OR8J1: variants seen among roughly 807,000 people sequenced by gnomAD.
OR8J1 encodes the protein olfactory receptor family 8 subfamily J member 1, also known as olfactory receptor 8J1.
For missense variants in OR8J1, 400 were observed against 373.0 expected (o/e 1.07, Z -0.60); for synonymous variants, 157 against 144.3 (o/e 1.09, Z -0.63).
intron 1 of OR8J1, chr11:56,357,691 T>C: frequency 1.9e-6 from 3 of 1,584,456 alleles, no homozygotes; most frequent in East Asian, 2.2e-5. Context: ...GAAGGCCAAG[T>C]GGAGGCGACT....
rs370640996 is a variant in OR8J1 at position 56,361,030 on chromosome 11, C to A, written c.784C>A (p.Pro262Thr). 2.8e-5 allele frequency: 42 copies of A among 1,495,436 alleles called. No individual in the cohort carries two copies. Among genetic ancestry groups the A allele is most frequent in the Non-Finnish European group, 3.6e-5 (41 of 1,130,798 alleles). 92.6% of individuals were successfully genotyped at this position (1,495,436 alleles called of 1,614,324 possible). Residue 262 changes from proline to threonine, a missense_variant, in exon 2 of 2, where the codon CCC (proline) becomes ACC (threonine). Physicochemically the swap from Pro to Thr is conservative, Grantham distance 38. Transcript: ENST00000533152. ...GACATTGCTATTCATGTATGTGCAG[C>A]CCCGAAGTAACCATTCACTGGATAC... is the stretch of plus-strand genomic sequence containing the variant. ...YGTLLFMYVQPRSNHSLDTDD... is the reference protein window; with the variant it reads ...YGTLLFMYVQTRSNHSLDTDD...
At chr11:56,360,089 C>T in intron 1 of OR8J1, 138 bp from the exon 2 acceptor site, 1 of 523,410 alleles carries the variant, frequency 1.9e-6, no homozygotes, top group Admixed American at 3.8e-5. Context: ...CTTATTAGAC[C>T]TAGAAGCTTG....
At position 56,360,938 on chromosome 11, in the gene OR8J1, CAGAA is replaced by C; in HGVS notation, c.693_696del (p.Arg234LysfsTer11). On this transcript the variant is annotated frameshift_variant, in exon 2 of 2. Transcript: ENST00000533152. LOFTEE classifies it low-confidence loss of function (END_TRUNC). ...TTGTCTATTTTAAAAATATGTTCATCAGAAGGAAGGAAAAAAGCCTTTTCTACCT... is the reference window on the plus strand; with the variant it reads ...TTGTCTATTTTAAAAATATGTTCATCGGAAGGAAAAAAGCCTTTTCTACCT... 1 of 1,479,340 alleles carries C rather than the reference CAGAA, an allele frequency of 6.8e-7. No individual in the cohort carries two copies. Among genetic ancestry groups the C allele is most frequent in the Non-Finnish European group, 8.9e-7 (1 of 1,118,060 alleles). 91.6% of individuals were successfully genotyped at this position (1,479,340 alleles called of 1,614,324 possible). A position where few individuals can be genotyped will look rare whatever the true frequency, so the allele number is the denominator to read the frequency against.
At chr11:56,357,296 G>A (rs376848765) in intron 1 of OR8J1, 49 of 483,644 alleles carry the variant, frequency 1.0e-4, no homozygotes, top group African/African-American at 5.2e-4. Context: ...CTGTCAAGCC[G>A]TGGATGCGGG....
chr11:56,357,142 C>T (rs1854978741), intron 1 of OR8J1, among the ~76,000 whole-genome samples: 1 of 152,070 alleles, frequency 6.6e-6, no homozygotes, highest in Non-Finnish European at 1.5e-5. Flanking sequence ...TTAAAATTTC[C>T]ATTCCTGCCC....
At chr11:56,359,931 A>G (rs1852611547) in intron 1 of OR8J1, among the ~76,000 whole-genome samples, 1 of 152,190 alleles carries the variant, frequency 6.6e-6, no homozygotes, top group Admixed American at 6.5e-5. Flanking sequence ...GTGGCTTCAA[A>G]TGTTTGCAAA....
At chr11:56,360,197 A>C in intron 1 of OR8J1, 30 bp from the exon 2 acceptor site, 1 of 1,447,974 alleles carries the variant, frequency 6.9e-7, no homozygotes, top group Non-Finnish European at 9.3e-7. Context: ...AATTCTTTAA[A>C]GTTTTTAACC....
At chr11:56,355,865 T>G (rs1854960890) in intron 1 of OR8J1, among the ~76,000 whole-genome samples, 1 of 152,176 alleles carries the variant, frequency 6.6e-6, no homozygotes, top group Non-Finnish European at 1.5e-5. Flanking sequence ...TTTTTAAATG[T>G]ATGGAGCCAC....
At chr11:56,357,708 G>T in intron 1 of OR8J1, 1 of 1,584,976 alleles carries the variant, frequency 6.3e-7, no homozygotes, top group Non-Finnish European at 8.6e-7. Flanking sequence ...GACTAGTGAT[G>T]AATACAATGT....
In OR8J1 at chr11:56,360,993, A is replaced by C; in HGVS notation, c.747A>C (p.Thr249=). 1 of 1,476,442 alleles carries C rather than the reference A, an allele frequency of 6.8e-7. No individual in the cohort carries two copies. The allele number at this position is 1,476,442 out of a possible 1,614,324, so 91.5% of individuals were successfully genotyped here. A position where few individuals can be genotyped will look rare whatever the true frequency, so the allele number is the denominator to read the frequency against. Residue 249 remains threonine (T), a synonymous_variant, in exon 2 of 2, where the codon ACA becomes ACC. Coordinates refer to ENST00000533152, the MANE Select transcript of OR8J1 (RefSeq NM_001005205.3). ...GTGCTTCACATATGATGGCAGTCACAATTTTTTATGGGACATTGCTATTCA... is the reference window on the plus strand; with the variant it reads ...GTGCTTCACATATGATGGCAGTCACCATTTTTTATGGGACATTGCTATTCA... ...STCASHMMAV[T]IFYGTLLFMY...
intron 1 of OR8J1, among the ~76,000 whole-genome samples, chr11:56,355,407 G>A (rs554275673): frequency 8.2e-4 from 125 of 151,972 alleles, no homozygotes; most frequent in African/African-American, 2.7e-3. Context: ...AGGCCGAGGC[G>A]GGTGCATTAC....
chr11:56,355,035 A>G (rs1046078962), intron 1 of OR8J1, among the ~76,000 whole-genome samples: 28 of 152,214 alleles, frequency 1.8e-4, no homozygotes, highest in African/African-American at 5.5e-4. Context: ...TTCCTGGTGT[A>G]ATGGGACAAA....
Position 56,361,310 on chromosome 11 carries a change from A to G in OR8J1, c.*113A>G, listed in dbSNP as rs1265248935. 2 of 412,486 alleles carry G rather than the reference A, an allele frequency of 4.8e-6. No homozygotes were observed. Among genetic ancestry groups the G allele is most frequent in the Non-Finnish European group, 8.4e-6 (2 of 237,428 alleles). 25.6% of individuals were successfully genotyped at this position (412,486 alleles called of 1,614,324 possible). ...CCGAGTTACAGGTTCGTAAGCAATC[A>G]TAAGAATTACAACAAGATACAATTT... is the stretch of plus-strand genomic sequence containing the variant. On this transcript the variant is annotated 3_prime_UTR_variant, in exon 2 of 2. Coordinates refer to ENST00000533152, the MANE Select transcript of OR8J1 (RefSeq NM_001005205.3).
chr11:56,357,980 CT>C, intron 1 of OR8J1: 2 of 898,048 alleles, frequency 2.2e-6, no homozygotes, highest in Non-Finnish European at 3.5e-6. Flanking sequence ...GATGAAGATG[CT>C]TACAAGAAAC....
At chr11:56,357,771 C>A (rs1854989978) in intron 1 of OR8J1, 1 of 1,422,452 alleles carries the variant, frequency 7.0e-7, no homozygotes, top group Non-Finnish European at 9.8e-7. Context: ...GGGTGCAGGC[C>A]TTGCCAGAAC....
At chr11:56,356,944 C>T (rs540946060) in intron 1 of OR8J1, among the ~76,000 whole-genome samples, 1 of 152,186 alleles carries the variant, frequency 6.6e-6, no homozygotes, top group Non-Finnish European at 1.5e-5. Flanking sequence ...ATAAATCCCC[C>T]ATCTGTCATT....
chr11:56,357,910 G>A lies in OR8J1; in HGVS notation c.-20-2317G>A, dbSNP rs139280158. 368 of 839,436 alleles carry A rather than the reference G, an allele frequency of 4.4e-4. 1 individual carries two copies. The African/African-American group carries it at 5.6e-3, about 13-fold the overall frequency. The allele number at this position is 839,436 out of a possible 1,614,324, so 52.0% of individuals were successfully genotyped here. A position where few individuals can be genotyped will look rare whatever the true frequency, so the allele number is the denominator to read the frequency against. ...AAGGGATTTAATGCAGAAGTACACC[G>A]GAAGGACATCATGGGCCAGAATGTT... On this transcript the variant is annotated intron_variant, in intron 1 of 1. Transcript: ENST00000533152.
chr11:56,360,896 C>T lies in OR8J1; in HGVS notation c.650C>T (p.Ser217Phe), dbSNP rs199725360. ...GGTTCCTTGATTATAGTTCTAGTATCTTATTTCAATATTGTTTTGTCTATT... is the reference window on the plus strand; with the variant it reads ...GGTTCCTTGATTATAGTTCTAGTATTTTATTTCAATATTGTTTTGTCTATT... ...VVGSLIIVLV[S>F]YFNIVLSILK... The change falls in exon 2 of 2, where the codon TCT becomes TTT. Residue 217 changes from serine to phenylalanine, a missense_variant. Transcript: ENST00000533152. 42 of 1,488,538 alleles carry T rather than the reference C, an allele frequency of 2.8e-5. No individual in the cohort carries two copies. The Admixed American group carries it at 1.0e-3, about 36-fold the overall frequency. The allele number at this position is 1,488,538 out of a possible 1,614,324, so 92.2% of individuals were successfully genotyped here. A position where few individuals can be genotyped will look rare whatever the true frequency, so the allele number is the denominator to read the frequency against.
At chr11:56,357,918 A>G in intron 1 of OR8J1, 1 of 834,758 alleles carries the variant, frequency 1.2e-6, no homozygotes, top group Non-Finnish European at 2.0e-6. Flanking sequence ...CCGGAAGGAC[A>G]TCATGGGCCA....
Sources: allele counts gnomAD v4.1 joint callset (sites outside exome capture counted in the v4.1 genomes callset), GRCh38; gene constraint gnomAD v4.1.1; transcripts MANE v1.5; gene names NCBI Gene and HGNC (gene_info 2026-07-23, HGNC 2026-07-21).